SEMA6D: variants seen among roughly 807,000 people sequenced by gnomAD.
The protein encoded by SEMA6D is semaphorin-6D.
In SEMA6D, 35 loss-of-function variants were observed where a neutral mutation model predicts 106.6. The ratio of observed to expected loss-of-function variants is 0.33; its 90% confidence interval spans 0.25 to 0.44. SEMA6D has a LOEUF of 0.44. Ranked by LOEUF, SEMA6D falls within the 20% of genes least tolerant of loss-of-function variation. The pLI is 1.00. For missense variants in SEMA6D, 1,185 were observed against 1,345.9 expected, an observed-to-expected ratio of 0.88 and a Z score of 1.87; for synonymous variants, 499 against 487.7, an observed-to-expected ratio of 1.02 and a Z score of -0.31.
chr15:47,427,577 C>T (rs950299621), intron 2 of SEMA6D, among the ~76,000 whole-genome samples: 3 of 152,022 alleles, frequency 2.0e-5, no homozygotes, highest in African/African-American at 7.2e-5. Flanking sequence ...AAGAAATGTA[C>T]ACTTGGGAAA....
chr15:47,458,398 C>T (rs2042406866), intron 2 of SEMA6D, among the ~76,000 whole-genome samples: 1 of 151,774 alleles, frequency 6.6e-6, no homozygotes, highest in South Asian at 2.1e-4. Context: ...TCTCCAATAA[C>T]AAAAATACAC....
intron 1 of SEMA6D, among the ~76,000 whole-genome samples, chr15:47,292,733 A>G (rs74528521): frequency 0.022 from 3,392 of 152,300 alleles, 120 homozygotes; most frequent in African/African-American, 0.077. Flanking sequence ...TGTGTAGTCC[A>G]TGAAGACTGG....
intron 4 of SEMA6D, among the ~76,000 whole-genome samples, chr15:47,684,878 C>G (rs1355006642): frequency 6.6e-6 from 1 of 152,176 alleles, no homozygotes; most frequent in East Asian, 1.9e-4. Context: ...GAAATATTCA[C>G]TGGCTGTATT....
At chr15:47,571,885 GAAAC>G (rs769108631) in intron 3 of SEMA6D, among the ~76,000 whole-genome samples, 24 of 152,228 alleles carry the variant, frequency 1.6e-4, no homozygotes, top group African/African-American at 5.5e-4. Flanking sequence ...ATCATTACCT[GAAAC>G]AAACAAAGAG....
chr15:47,511,590 G>A (rs1034453765), intron 3 of SEMA6D, among the ~76,000 whole-genome samples: 7 of 152,012 alleles, frequency 4.6e-5, no homozygotes, highest in African/African-American at 1.7e-4. Flanking sequence ...CCATAGAGTT[G>A]GCCTGTAATA....
intron 1 of SEMA6D, among the ~76,000 whole-genome samples, chr15:47,249,992 T>A (rs945828389): frequency 6.6e-6 from 1 of 152,144 alleles, no homozygotes; most frequent in Admixed American, 6.5e-5. Flanking sequence ...AATAAGGTGG[T>A]ATTTCATCTA....
chr15:47,223,337 C>T (rs999464914), intron 1 of SEMA6D, among the ~76,000 whole-genome samples: 8 of 152,070 alleles, frequency 5.3e-5, no homozygotes, highest in African/African-American at 1.9e-4. Context: ...TTCTACTTTT[C>T]ATCGGTTTTC....
At chr15:47,200,151 T>G (rs924164193) in intron 1 of SEMA6D, among the ~76,000 whole-genome samples, 2 of 152,158 alleles carry the variant, frequency 1.3e-5, no homozygotes, top group Non-Finnish European at 2.9e-5. Flanking sequence ...ATTATCTGTG[T>G]ACTTAAGTTG....
chr15:47,395,911 A>G (rs1482954934), intron 1 of SEMA6D, among the ~76,000 whole-genome samples: 1 of 152,214 alleles, frequency 6.6e-6, no homozygotes, highest in Non-Finnish European at 1.5e-5. Flanking sequence ...TCCAGAATTC[A>G]TATGTCAAAT....
At chr15:47,242,635 A>G (rs1418795764) in intron 1 of SEMA6D, among the ~76,000 whole-genome samples, 1 of 152,212 alleles carries the variant, frequency 6.6e-6, no homozygotes, top group Non-Finnish European at 1.5e-5. Flanking sequence ...CTACAAACTA[A>G]TGACAGTTTG....
intron 3 of SEMA6D, among the ~76,000 whole-genome samples, chr15:47,482,084 G>A (rs2043168956): frequency 6.6e-6 from 1 of 152,080 alleles, no homozygotes; most frequent in Admixed American, 6.6e-5. Flanking sequence ...ATTCTGAGTG[G>A]GGAAAACAAA....
chr15:47,420,785 A>G (rs2041127175), intron 2 of SEMA6D, among the ~76,000 whole-genome samples: 1 of 152,162 alleles, frequency 6.6e-6, no homozygotes, highest in South Asian at 2.1e-4. Flanking sequence ...AATAAAATGC[A>G]AGTTGTAATG....
At chr15:47,588,859 A>T (rs7168717) in intron 3 of SEMA6D, among the ~76,000 whole-genome samples, 1 of 151,910 alleles carries the variant, frequency 6.6e-6, no homozygotes, top group Non-Finnish European at 1.5e-5. Flanking sequence ...GTTCTCGATC[A>T]GGGCAGTTTG....
rs78297145 is a variant in SEMA6D at position 47,750,687 on chromosome 15, G to A, written c.-54-9058G>A. ...CATGCCATGGGGCAGAGTTTTAGAC[G>A]GTTAATTATAAAGTGTCAGTAACAT... On this transcript the variant is annotated intron_variant, in intron 1 of 18. Coordinates refer to ENST00000536845, the MANE Select transcript of SEMA6D (RefSeq NM_001358351.3). Among the ~76,000 whole-genome samples, 1,033 of 152,282 alleles carry A rather than the reference G, an allele frequency of 6.8e-3. 16 individuals carry two copies. The highest frequency in any genetic ancestry group is 0.023 in the African/African-American group (948 of 41,552).
At chr15:47,661,160 A>T (rs2077909477) in intron 4 of SEMA6D, among the ~76,000 whole-genome samples, 1 of 152,194 alleles carries the variant, frequency 6.6e-6, no homozygotes, top group Non-Finnish European at 1.5e-5. Context: ...CTACTCAGTA[A>T]CATCTCCAAT....
chr15:47,594,567 C>A (rs763613027), intron 3 of SEMA6D, among the ~76,000 whole-genome samples: 1 of 152,118 alleles, frequency 6.6e-6, no homozygotes, highest in Non-Finnish European at 1.5e-5. Context: ...TGACACTCAC[C>A]GTTCCAGGAC....
intron 1 of SEMA6D, among the ~76,000 whole-genome samples, chr15:47,293,062 ATTC>A (rs2035657182): frequency 6.6e-6 from 1 of 152,200 alleles, no homozygotes; most frequent in Non-Finnish European, 1.5e-5. Flanking sequence ...GAATGACTCA[ATTC>A]TTGGAAAAAT....
chr15:47,389,356 T>C (rs1222437337), intron 1 of SEMA6D, among the ~76,000 whole-genome samples: 1 of 152,128 alleles, frequency 6.6e-6, no homozygotes, highest in Non-Finnish European at 1.5e-5. Context: ...GCAAAATACA[T>C]TGTTCTTTGT....
intron 1 of SEMA6D, among the ~76,000 whole-genome samples, chr15:47,397,204 C>T (rs150930439): frequency 2.0e-4 from 31 of 152,270 alleles, no homozygotes; most frequent in African/African-American, 7.2e-4. Context: ...TCTGTGTAGA[C>T]AACCTGTGGA....
Sources: gnomAD v4.1 joint callset for allele counts (sites outside exome capture counted in the v4.1 genomes callset) on GRCh38, gnomAD v4.1.1 for gene constraint, MANE v1.5 for transcripts, NCBI Gene and HGNC (gene_info 2026-07-23, HGNC 2026-07-21) for gene names.